Variants in NDUFA10 observed in about 807,000 individuals in gnomAD.
NDUFA10 encodes the protein NADH dehydrogenase [ubiquinone] 1 alpha subcomplex subunit 10, mitochondrial.
A neutral mutation model predicts 47.8 loss-of-function variants in NDUFA10; 40 were observed. The observed-to-expected ratio is 0.84, with a 90% CI of 0.65 to 1.09. The LOEUF (loss-of-function observed/expected upper bound fraction) is 1.09. NDUFA10 is among the 50% of genes least tolerant of loss of function. The probability of loss-of-function intolerance (pLI) is 0.00; values close to 1 mark genes in which losing one functional copy is unlikely to be tolerated. For synonymous variants in NDUFA10, 183 were observed against 172.2 expected (o/e 1.06, Z -0.49); for missense variants, 413 against 451.1 (o/e 0.92, Z 0.76).
chr2:239,951,509 G>A (rs1404203032), intron 4 of NDUFA10, among the ~76,000 whole-genome samples: 1 of 152,130 alleles, frequency 6.6e-6, no homozygotes, highest in African/African-American at 2.4e-5. Context: ...GTGTCCCAGG[G>A]ATGCCTGGTC....
intron 4 of NDUFA10, among the ~76,000 whole-genome samples, chr2:239,925,633 G>T (rs2106370329): frequency 6.6e-6 from 1 of 152,290 alleles, no homozygotes; most frequent in South Asian, 2.1e-4. Context: ...GAATTCTTAA[G>T]ACTTGACTCG....
At chr2:240,015,019 C>G (rs1044053382) in intron 4 of NDUFA10, among the ~76,000 whole-genome samples, 159 bp from the exon 5 acceptor site, 2 of 152,258 alleles carry the variant, frequency 1.3e-5, no homozygotes, top group African/African-American at 4.8e-5. Flanking sequence ...GCACTGACCA[C>G]ACACATGGCA....
intron 2 of NDUFA10, among the ~76,000 whole-genome samples, chr2:240,021,664 C>G (rs1307373635): frequency 6.6e-6 from 1 of 152,186 alleles, no homozygotes; most frequent in Non-Finnish European, 1.5e-5. Flanking sequence ...AGGACTGCTC[C>G]CTGTAACCAC....
chr2:239,908,030 A>T (rs1158083439), intron 4 of NDUFA10, among the ~76,000 whole-genome samples: 1 of 152,234 alleles, frequency 6.6e-6, no homozygotes, highest in Non-Finnish European at 1.5e-5. Flanking sequence ...GGATTAAGAA[A>T]ATGTGGTACA....
Position 239,968,827 on chromosome 2 carries a change from C to T in NDUFA10, c.1000-7641G>A, listed in dbSNP as rs373022758. On this transcript the variant is annotated intron_variant, in intron 9 of 9. Transcript: ENST00000252711. ...CCAGAGTTCACTTAGGGCTGAGAGT[C>T]GGCGAGCTCCCACTGGCCAGAGCAG... is the stretch of plus-strand genomic sequence containing the variant. 8.1e-4 allele frequency among the ~76,000 whole-genome samples: 123 copies of T among 152,230 alleles called. 2 individuals are homozygous for T. The South Asian group carries it at 0.014, about 17-fold the overall frequency.
intron 4 of NDUFA10, among the ~76,000 whole-genome samples, chr2:239,927,927 C>CT (rs1212946609): frequency 4.6e-5 from 7 of 152,344 alleles, no homozygotes; most frequent in African/African-American, 1.7e-4. Context: ...AATACGGTGG[C>CT]TGTGGGGGTG....
Position 239,960,835 on chromosome 2 carries a change from C to G in NDUFA10, c.*283G>C, listed in dbSNP as rs1273343295. 1.5e-6 allele frequency: 2 copies of G among 1,339,004 alleles called. No individual in the cohort carries two copies. Among genetic ancestry groups the G allele is most frequent in the African/African-American group, 3.0e-5 (2 of 67,666 alleles). The allele number at this position is 1,339,004 out of a possible 1,614,324, so 82.9% of individuals were successfully genotyped here. On this transcript the variant is annotated 3_prime_UTR_variant, in exon 10 of 10. Transcript: ENST00000252711. Reference sequence around the variant, plus strand: ...GGCAGCGCTGAAACCACAGGGGCTGCCGAGAGCTGGCCTTTCACAGCAGAC... The same window carrying G: ...GGCAGCGCTGAAACCACAGGGGCTGGCGAGAGCTGGCCTTTCACAGCAGAC...
At position 239,930,423 on chromosome 2, in the gene NDUFA10, G is replaced by A. The variant is rs116288824; in HGVS notation, c.295-35109C>T. Among the ~76,000 whole-genome samples, 800 of 151,808 alleles carry A rather than the reference G, an allele frequency of 5.3e-3. 5 individuals are homozygous for A. The highest frequency in any genetic ancestry group is 0.017 in the African/African-American group (701 of 41,340). On this transcript the variant is annotated intron_variant, in intron 4 of 5. Transcript: ENST00000419408. ...CTCCTCAGAGACCTTTCCTGACCCC[G>A]TCCCCATGGATCCCGTCCTGATCGC...
At chr2:239,946,576 G>A (rs1042042363) in intron 4 of NDUFA10, among the ~76,000 whole-genome samples, 4 of 152,202 alleles carry the variant, frequency 2.6e-5, no homozygotes, top group Non-Finnish European at 4.4e-5. Context: ...ACTCACGGAC[G>A]CTACACCTTC....
intron 8 of NDUFA10, among the ~76,000 whole-genome samples, chr2:239,991,403 G>A (rs1322704068): frequency 1.3e-5 from 2 of 152,194 alleles, no homozygotes; most frequent in South Asian, 2.1e-4. Context: ...GTTTCCACAT[G>A]GGTAGGCAAA....
rs75159759 is a variant in NDUFA10, at chr2:240,023,041, T to C, written c.76-701A>G. 4.8e-3 allele frequency among the ~76,000 whole-genome samples: 734 copies of C among 152,304 alleles called. 9 individuals carry two copies. The highest frequency in any genetic ancestry group is 0.016 in the African/African-American group (684 of 41,558). Reference sequence around the variant, plus strand: ...GACACTGCATCGCCTCCCTATGCCATGTGCTGACTCTGTCGGCACCCTCAC... The same window carrying C: ...GACACTGCATCGCCTCCCTATGCCACGTGCTGACTCTGTCGGCACCCTCAC... On this transcript the variant is annotated intron_variant, in intron 1 of 9. Transcript: ENST00000252711.
chr2:239,946,300 G>C (rs545419890), intron 4 of NDUFA10, among the ~76,000 whole-genome samples: 202 of 152,354 alleles, frequency 1.3e-3, no homozygotes, highest in Non-Finnish European at 2.3e-3. Context: ...AGCCCCAGCA[G>C]ACGGGGAGAT....
intron 4 of NDUFA10, among the ~76,000 whole-genome samples, chr2:239,938,669 G>A (rs559450312): frequency 2.7e-4 from 41 of 152,314 alleles, no homozygotes; most frequent in African/African-American, 9.6e-4. Context: ...GCTGCCCTGG[G>A]GGGCTGCAGG....
chr2:240,016,032 C>T lies in NDUFA10; in HGVS notation c.548-1172G>A, dbSNP rs1436210164. On this transcript the variant is annotated intron_variant, in intron 4 of 9. Transcript: ENST00000252711. This position sits in a 1 kb window ranked among gnomAD's most constrained non-coding sequence, Gnocchi z 4.4. The stretch of plus-strand genomic sequence containing the variant: ...ATTAGCCAGTCTCCTAACCTAGTCT[C>T]AAAATAAATAAATAAAAATTTTAAA... Among the ~76,000 whole-genome samples the T allele has an allele frequency of 5.9e-5, 9 of 151,632 alleles. No homozygotes were observed. The highest frequency in any genetic ancestry group is 1.2e-4 in the Non-Finnish European group (8 of 67,952).
chr2:239,949,785 GCCTGTT>G (rs1694521745), intron 4 of NDUFA10, among the ~76,000 whole-genome samples: 1 of 152,180 alleles, frequency 6.6e-6, no homozygotes, highest in Non-Finnish European at 1.5e-5. Context: ...CCTGACACTG[GCCTGTT>G]GAGGTGGGAC....
chr2:239,960,909 G>A lies in NDUFA10; in HGVS notation c.*209C>T. ...GGGCCATTCCAAAACAAAGCTAAAG[G>A]GTTCCAAACATCCAGAATGGAAGCT... On this transcript the variant is annotated 3_prime_UTR_variant, in exon 10 of 10. Transcript: ENST00000252711. The A allele has an allele frequency of 3.4e-6, 5 of 1,460,924 alleles. No individual in the cohort carries two copies. The highest frequency in any genetic ancestry group is 2.7e-6 in the Non-Finnish European group (3 of 1,103,130). The allele number at this position is 1,460,924 out of a possible 1,614,324, so 90.5% of individuals were successfully genotyped here. A position where few individuals can be genotyped will look rare whatever the true frequency, so the allele number is the denominator to read the frequency against.
At chr2:239,919,562 A>G (rs1693933646) in intron 4 of NDUFA10, among the ~76,000 whole-genome samples, 1 of 152,280 alleles carries the variant, frequency 6.6e-6, no homozygotes, top group Non-Finnish European at 1.5e-5. Context: ...GCTCATACAG[A>G]AACAGATTCA....
chr2:239,961,165 G>C lies in NDUFA10; in HGVS notation c.1021C>G (p.Pro341Ala). The C allele has an allele frequency of 6.2e-7, 1 of 1,613,658 alleles. No individual in the cohort carries two copies. The highest frequency in any genetic ancestry group is 8.5e-7 in the Non-Finnish European group (1 of 1,179,888). The change falls in exon 10 of 10, where the codon CCT (proline) becomes GCT (alanine). Residue 341 changes from proline (P) to alanine (A), a missense_variant. Physicochemically the swap from Pro to Ala is conservative, Grantham distance 27. Coordinates refer to ENST00000252711, the MANE Select transcript of NDUFA10 (RefSeq NM_004544.4). ...TCTCCCACCTCGGTGTTGTACCCAG[G>C]GCTGTACTTGCGGCCCGGCAGCTGT... ...FRELPGRKYS[P>A]GYNTEVGDKW...
At chr2:239,942,492 G>A (rs1694375154) in intron 4 of NDUFA10, among the ~76,000 whole-genome samples, 1 of 152,202 alleles carries the variant, frequency 6.6e-6, no homozygotes. Flanking sequence ...TTCTGACACT[G>A]TTTCGGTTCT....
Sources: allele counts gnomAD v4.1 joint callset (sites outside exome capture counted in the v4.1 genomes callset), GRCh38; gene constraint gnomAD v4.1.1; non-coding constraint Gnocchi (gnomAD v3.1); transcripts MANE v1.5; gene names NCBI Gene and HGNC (gene_info 2026-07-23, HGNC 2026-07-21).